Variants in PRKCQ observed in about 807,000 individuals in gnomAD.
The protein encoded by PRKCQ is protein kinase C theta type.
Under a neutral mutation model 91.2 loss-of-function variants are expected in PRKCQ, and 41 were observed. The ratio of observed to expected loss-of-function variants is 0.45; its 90% confidence interval spans 0.35 to 0.58. The LOEUF (loss-of-function observed/expected upper bound fraction) is 0.58, where lower values mean the gene tolerates loss of function less well. PRKCQ is among the 20% of genes least tolerant of loss of function. The probability of loss-of-function intolerance (pLI) is 0.00; values close to 1 mark genes in which losing one functional copy is unlikely to be tolerated. For missense variants in PRKCQ, 673 were observed against 896.5 expected (o/e 0.75, Z 3.18); for synonymous variants, 307 against 316.9 (o/e 0.97, Z 0.33).
At position 6,478,983 on chromosome 10, in the gene PRKCQ, A is replaced by T. The variant is rs1479546776; in HGVS notation, c.1353+9T>A. The T allele has an allele frequency of 1.9e-6, 3 of 1,613,780 alleles. No homozygotes were observed. The African/African-American group carries it at 4.0e-5, about 22-fold the overall frequency. On this transcript the variant is annotated intron_variant, in intron 12 of 17. Transcript: ENST00000263125. ...AGGGGAGGTAGGGTTGTCGGAGCAG[A>T]AGCCATACCTTGGTCTGGAATGTAC... is the stretch of plus-strand genomic sequence containing the variant.
intron 16 of PRKCQ, among the ~76,000 whole-genome samples, chr10:6,438,443 C>T (rs1833803960): frequency 6.6e-6 from 1 of 152,202 alleles, no homozygotes; most frequent in Admixed American, 6.5e-5. Context: ...TTATCCTATT[C>T]CCATTTTCAA....
chr10:6,409,631 A>G, the PRKCQ span, among the ~76,000 whole-genome samples: 97 of 152,318 alleles, frequency 6.4e-4, 1 homozygote, highest in African/African-American at 2.2e-3. Flanking sequence ...GGAATTTCCA[A>G]TTGGAATTTC....
chr10:6,451,383 G>T (rs570548159), intron 15 of PRKCQ, among the ~76,000 whole-genome samples: 1 of 152,100 alleles, frequency 6.6e-6, no homozygotes, highest in Non-Finnish European at 1.5e-5. Context: ...CCAGGAAGAA[G>T]TTGAATCTCT....
chr10:6,478,555 G>A (rs1836397283), intron 12 of PRKCQ, among the ~76,000 whole-genome samples: 2 of 152,176 alleles, frequency 1.3e-5, no homozygotes, highest in Non-Finnish European at 2.9e-5. Flanking sequence ...CTTGCTCACT[G>A]ATGAGCCCAC....
chr10:6,394,583 A>G, the PRKCQ span, among the ~76,000 whole-genome samples: 1 of 152,228 alleles, frequency 6.6e-6, no homozygotes, highest in Non-Finnish European at 1.5e-5. Flanking sequence ...GTTACGTGCC[A>G]GGGGCACCGG....
intron 1 of PRKCQ, among the ~76,000 whole-genome samples, chr10:6,556,337 T>C (rs1442883333): frequency 2.8e-5 from 4 of 141,682 alleles, no homozygotes; most frequent in Non-Finnish European, 6.0e-5. Context: ...GAGGGTAAGG[T>C]GGGAGGAATG....
At chr10:6,515,311 C>T in intron 1 of PRKCQ, 167 bp from the exon 2 acceptor site, 8 of 1,506,126 alleles carry the variant, frequency 5.3e-6, no homozygotes, top group Non-Finnish European at 6.2e-6. Context: ...GAGGACACTG[C>T]TGGACTCACC....
At chr10:6,481,979 CCTT>C (rs1295441959) in intron 11 of PRKCQ, among the ~76,000 whole-genome samples, 2 of 151,392 alleles carry the variant, frequency 1.3e-5, no homozygotes, top group Non-Finnish European at 2.9e-5. Context: ...ATCTCTTCTT[CCTT>C]CTTCTCACCT....
chr10:6,457,745 T>G (rs1288296341), intron 14 of PRKCQ, among the ~76,000 whole-genome samples: 3 of 152,166 alleles, frequency 2.0e-5, no homozygotes, highest in Non-Finnish European at 4.4e-5. Flanking sequence ...CCTCTTGCCT[T>G]TTGCCACGGT....
chr10:6,488,417 G>A (rs539697929), intron 8 of PRKCQ, among the ~76,000 whole-genome samples: 55 of 146,104 alleles, frequency 3.8e-4, no homozygotes, highest in African/African-American at 1.3e-3. Flanking sequence ...ATGGAGTCTC[G>A]CTGTGTCACC....
chr10:6,395,178 T>C, the PRKCQ span, among the ~76,000 whole-genome samples: 59 of 150,170 alleles, frequency 3.9e-4, no homozygotes, highest in East Asian at 1.6e-3. Context: ...ATTCTCCCGC[T>C]TCAGCCTCCC....
chr10:6,561,637 T>C (rs1329266562), intron 1 of PRKCQ, among the ~76,000 whole-genome samples: 2 of 150,884 alleles, frequency 1.3e-5, no homozygotes, highest in Non-Finnish European at 3.0e-5. Context: ...TATGACAGAA[T>C]AGATTACTTT....
chr10:6,462,779 T>C (rs1445211962), intron 13 of PRKCQ, among the ~76,000 whole-genome samples: 2 of 152,042 alleles, frequency 1.3e-5, no homozygotes, highest in Non-Finnish European at 2.9e-5. Context: ...CCCAAGCAGG[T>C]GGATCACTTG....
intron 15 of PRKCQ, among the ~76,000 whole-genome samples, chr10:6,445,981 T>G (rs112116737): frequency 0.012 from 1,843 of 152,342 alleles, 13 homozygotes; most frequent in Non-Finnish European, 0.02. Flanking sequence ...ACAGCTGTGG[T>G]GCAAATTAAG....
chr10:6,426,697 A>G (rs1833131675), downstream of PRKCQ, among the ~76,000 whole-genome samples: 1 of 152,170 alleles, frequency 6.6e-6, no homozygotes, highest in Admixed American at 6.5e-5. Context: ...GTCTGCTTAT[A>G]TTAATTATTC....
At chr10:6,411,134 T>G in the PRKCQ span, among the ~76,000 whole-genome samples, 1 of 152,196 alleles carries the variant, frequency 6.6e-6, no homozygotes, top group African/African-American at 2.4e-5. Flanking sequence ...TAGCTTATAA[T>G]GAGAGAGGAG....
intron 12 of PRKCQ, among the ~76,000 whole-genome samples, chr10:6,467,377 G>C (rs1835729943): frequency 6.0e-5 from 6 of 99,198 alleles, no homozygotes; most frequent in African/African-American, 6.9e-5. Context: ...GAGAGAGACA[G>C]AGAGAGACAG....
chr10:6,570,703 C>G (rs1041812693), intron 1 of PRKCQ, among the ~76,000 whole-genome samples: 1 of 151,942 alleles, frequency 6.6e-6, no homozygotes, highest in East Asian at 1.9e-4. Context: ...TACAGGTATG[C>G]GCCAGCACGC....
intron 14 of PRKCQ, among the ~76,000 whole-genome samples, chr10:6,460,740 C>T (rs1835278862): frequency 6.6e-6 from 1 of 152,196 alleles, no homozygotes; most frequent in South Asian, 2.1e-4. Flanking sequence ...ATCCATCTGC[C>T]TTGGCCTCCC....
Sources: allele counts gnomAD v4.1 joint callset (sites outside exome capture counted in the v4.1 genomes callset), GRCh38; gene constraint gnomAD v4.1.1; transcripts MANE v1.5; gene names NCBI Gene and HGNC (gene_info 2026-07-23, HGNC 2026-07-21).